The following MAST2 variants were observed in gnomAD, a reference collection of about 807,000 sequenced individuals.
MAST2 encodes the protein microtubule associated serine/threonine kinase 2.
In MAST2, 70 loss-of-function variants were observed where a neutral mutation model predicts 147.4. That is an observed-to-expected ratio of 0.47 (90% CI 0.39 to 0.58). MAST2 has a LOEUF of 0.58. Among genes scored for constraint, MAST2 ranks in the 20% least tolerant of loss-of-function variants. MAST2 has a pLI of 0.00. For missense variants in MAST2, 2,080 were observed against 2,302.3 expected, an observed-to-expected ratio of 0.90 and a Z score of 1.98; for synonymous variants, 869 against 896.8, an observed-to-expected ratio of 0.97 and a Z score of 0.55.
At chr1:46,030,431 G>T in intron 21 of MAST2, 176 bp from the exon 22 acceptor site, 1 of 851,048 alleles carries the variant, frequency 1.2e-6, no homozygotes, top group Non-Finnish European at 1.8e-6. Context: ...CCTGACATGA[G>T]ATGCCAGGTC....
chr1:46,017,634 G>C, intron 10 of MAST2, among the ~76,000 whole-genome samples: 1 of 151,996 alleles, frequency 6.6e-6, no homozygotes, highest in East Asian at 1.9e-4. Context: ...TCTCACACCA[G>C]TTAGAATGGC....
intron 3 of MAST2, among the ~76,000 whole-genome samples, chr1:45,864,755 T>G (rs1302583244): frequency 6.6e-6 from 1 of 152,214 alleles, no homozygotes; most frequent in Non-Finnish European, 1.5e-5. Context: ...AGCAGCAAAG[T>G]CAGGATATCA....
intron 10 of MAST2, among the ~76,000 whole-genome samples, chr1:46,016,578 T>C (rs1415706376): frequency 6.6e-6 from 1 of 152,118 alleles, no homozygotes; most frequent in Non-Finnish European, 1.5e-5. Flanking sequence ...CCATTCACAA[T>C]TGCTTCAAAG....
intron 3 of MAST2, chr1:45,847,536 G>T: frequency 1.2e-6 from 1 of 807,652 alleles, no homozygotes; most frequent in Non-Finnish European, 2.0e-6. Flanking sequence ...CATAATTTGA[G>T]CTGCTTTTCT....
At chr1:46,013,279 C>T (rs185033643) in intron 10 of MAST2, among the ~76,000 whole-genome samples, 33 of 152,230 alleles carry the variant, frequency 2.2e-4, no homozygotes, top group African/African-American at 7.5e-4. Context: ...CAGGACCCAA[C>T]CCAGATTTGG....
At chr1:45,968,030 T>TAA in intron 5 of MAST2, among the ~76,000 whole-genome samples, 1 of 152,344 alleles carries the variant, frequency 6.6e-6, no homozygotes, top group Non-Finnish European at 1.5e-5. Flanking sequence ...CAAAACTTTT[T>TAA]AAGCACCAAC....
intron 3 of MAST2, chr1:45,847,524 C>G (rs1320236905): frequency 1.3e-6 from 1 of 784,042 alleles, no homozygotes; most frequent in Non-Finnish European, 2.1e-6. Context: ...GTGGGCCTCT[C>G]TCATAATTTG....
intron 3 of MAST2, among the ~76,000 whole-genome samples, chr1:45,844,700 T>G (rs1475276284): frequency 6.6e-6 from 1 of 152,150 alleles, no homozygotes; most frequent in Non-Finnish European, 1.5e-5. Context: ...GGGATTACAG[T>G]TGTGAGCCAC....
At chr1:45,837,950 C>T (rs140255779) in intron 3 of MAST2, among the ~76,000 whole-genome samples, 63 of 152,024 alleles carry the variant, frequency 4.1e-4, no homozygotes, top group African/African-American at 1.4e-3. Flanking sequence ...AGCTGATTTT[C>T]GTATTTTTAG....
At chr1:45,885,850 G>A (rs1471137586) in intron 4 of MAST2, among the ~76,000 whole-genome samples, 1 of 152,142 alleles carries the variant, frequency 6.6e-6, no homozygotes, top group Non-Finnish European at 1.5e-5. Flanking sequence ...ACTTAAGAGA[G>A]ACAAAAACAT....
intron 4 of MAST2, among the ~76,000 whole-genome samples, chr1:45,934,168 G>A (rs11211228): frequency 0.34 from 51,531 of 151,908 alleles, 9,122 homozygotes; most frequent in African/African-American, 0.43. Context: ...AGAACATGGA[G>A]TAATTGGTTT....
chr1:45,915,308 G>A (rs1196106798), intron 4 of MAST2, among the ~76,000 whole-genome samples: 2 of 152,138 alleles, frequency 1.3e-5, no homozygotes, highest in Non-Finnish European at 2.9e-5. Flanking sequence ...CCCCTGAGGA[G>A]CTAATAAGTA....
intron 3 of MAST2, among the ~76,000 whole-genome samples, chr1:45,842,471 C>G (rs1216188568): frequency 1.3e-5 from 2 of 152,166 alleles, no homozygotes; most frequent in African/African-American, 4.8e-5. Flanking sequence ...AGCCCTTTCT[C>G]CCCACTCCCC....
intron 4 of MAST2, among the ~76,000 whole-genome samples, chr1:45,889,611 T>C (rs1030854267): frequency 2.6e-5 from 4 of 152,122 alleles, no homozygotes; most frequent in Admixed American, 6.6e-5. Context: ...TGTTTCGTTT[T>C]GTTTTGTTTT....
At chr1:45,987,776 G>GTTT (rs1644692974) in intron 5 of MAST2, among the ~76,000 whole-genome samples, 19 of 30,698 alleles carry the variant, frequency 6.2e-4, no homozygotes, top group African/African-American at 2.1e-3. Context: ...TTTTTTTTTT[G>GTTT]ATTTTTTTTT....
intron 4 of MAST2, among the ~76,000 whole-genome samples, chr1:45,952,981 G>A (rs1441006230): frequency 6.6e-6 from 1 of 152,122 alleles, no homozygotes; most frequent in Non-Finnish European, 1.5e-5. Flanking sequence ...TACTAATTTG[G>A]CAATGTAAAA....
intron 4 of MAST2, among the ~76,000 whole-genome samples, chr1:45,947,904 G>C (rs1295783062): frequency 6.6e-6 from 1 of 152,146 alleles, no homozygotes; most frequent in Non-Finnish European, 1.5e-5. Context: ...TTTTAGTAGA[G>C]ACAGGGTTTC....
chr1:45,851,969 C>T (rs1353346536), intron 3 of MAST2, among the ~76,000 whole-genome samples: 3 of 151,700 alleles, frequency 2.0e-5, no homozygotes, highest in East Asian at 1.9e-4. Flanking sequence ...AGTTATTTAG[C>T]CTTTAAAAAA....
At chr1:45,832,396 G>A (rs189985523) in intron 3 of MAST2, among the ~76,000 whole-genome samples, 35 of 151,668 alleles carry the variant, frequency 2.3e-4, no homozygotes, top group African/African-American at 8.5e-4. Flanking sequence ...TGCTTCCTGG[G>A]TTCAAGTAAT....
Sources: allele counts gnomAD v4.1 joint callset (sites outside exome capture counted in the v4.1 genomes callset), GRCh38; gene constraint gnomAD v4.1.1; transcripts MANE v1.5; gene names NCBI Gene and HGNC (gene_info 2026-07-23, HGNC 2026-07-21).